PSMA8: variants seen among roughly 807,000 people sequenced by gnomAD.
PSMA8 encodes proteasome 20S subunit alpha 8.
PSMA8 carries 18 observed loss-of-function variants against 32.4 expected under a neutral mutation model. The ratio of observed to expected loss-of-function variants is 0.56; its 90% CI spans 0.38 to 0.82. The LOEUF is 0.82. PSMA8 is among the 40% of genes least tolerant of loss of function. The pLI is 0.00. For missense variants in PSMA8, 298 were observed against 300.7 expected, an observed-to-expected ratio of 0.99 and a Z score of 0.07; for synonymous variants, 104 against 98.1, an observed-to-expected ratio of 1.06 and a Z score of -0.36.
At chr18:26,163,896 C>A (rs2055158193) in intron 4 of PSMA8, among the ~76,000 whole-genome samples, 1 of 152,068 alleles carries the variant, frequency 6.6e-6, no homozygotes, top group Non-Finnish European at 1.5e-5. Context: ...CCAGGCAAGA[C>A]CTGATTTAGA....
chr18:26,187,636 T>C (rs1251857721), intron 6 of PSMA8, among the ~76,000 whole-genome samples: 1 of 152,050 alleles, frequency 6.6e-6, no homozygotes, highest in Non-Finnish European at 1.5e-5. Flanking sequence ...GTCACTATAC[T>C]TATATCAGAC....
In PSMA8 at chr18:26,139,391, C is replaced by G. The variant is rs181163978; in HGVS notation, c.103-5168C>G. On this transcript the variant is annotated intron_variant, in intron 1 of 6. Transcript: ENST00000415576. ...GGAAATGGATCCTTCCCCAGTTGAGCCTAGAGATGCATGCAGCACTGGTAG... is the reference window on the plus strand; with the variant it reads ...GGAAATGGATCCTTCCCCAGTTGAGGCTAGAGATGCATGCAGCACTGGTAG... Among the ~76,000 whole-genome samples, 4 of 152,248 alleles carry G rather than the reference C, an allele frequency of 2.6e-5. No homozygotes were observed. The East Asian group carries it at 5.8e-4, about 22-fold the overall frequency.
In PSMA8 at chr18:26,192,944, C is replaced by T. The variant is rs1212753397; in HGVS notation, c.*533C>T. ...TTACCTTTTTCATTTTACAATATTT[C>T]GTTATTTTTATTTTACCTTTTTCAT... On this transcript the variant is annotated 3_prime_UTR_variant, in exon 7 of 7. Transcript: ENST00000415576. The T allele has an allele frequency of 3.9e-5, 6 of 151,920 alleles. No individual in the cohort carries two copies. The highest frequency in any genetic ancestry group is 4.1e-4 in the South Asian group (2 of 4,822). 9.4% of individuals were successfully genotyped at this position (151,920 alleles called of 1,614,324 possible). A position where few individuals can be genotyped will look rare whatever the true frequency, so the allele number is the denominator to read the frequency against.
chr18:26,134,096 C>T (rs2054888812), intron 1 of PSMA8, 29 bp downstream of exon 1: 1 of 1,541,566 alleles, frequency 6.5e-7, no homozygotes, highest in Non-Finnish European at 9.0e-7. Flanking sequence ...CCGGACTATT[C>T]CCCGCTCTGA....
intron 4 of PSMA8, among the ~76,000 whole-genome samples, chr18:26,160,300 G>T (rs1489780498): frequency 6.6e-6 from 1 of 152,122 alleles, no homozygotes; most frequent in Non-Finnish European, 1.5e-5. Context: ...GTGAGACCCT[G>T]TCTCAAAACA....
At chr18:26,164,389 G>GC (rs1301636358) in intron 4 of PSMA8, among the ~76,000 whole-genome samples, 1 of 152,210 alleles carries the variant, frequency 6.6e-6, no homozygotes, top group Non-Finnish European at 1.5e-5. Context: ...TTCACGTGGT[G>GC]CCACATATTA....
chr18:26,137,851 T>C (rs1448983480), intron 1 of PSMA8, among the ~76,000 whole-genome samples: 1 of 152,174 alleles, frequency 6.6e-6, no homozygotes, highest in Non-Finnish European at 1.5e-5. Flanking sequence ...ACCCCAGGTG[T>C]TGGGGAGGTC....
At chr18:26,148,480 G>A (rs910806822) in intron 2 of PSMA8, among the ~76,000 whole-genome samples, 13 of 151,772 alleles carry the variant, frequency 8.6e-5, no homozygotes, top group Non-Finnish European at 1.0e-4. Context: ...CTTGGTAATG[G>A]CACCCAACAA....
At chr18:26,145,667 C>A (rs183334612) in intron 2 of PSMA8, among the ~76,000 whole-genome samples, 1 of 152,270 alleles carries the variant, frequency 6.6e-6, no homozygotes, top group East Asian at 1.9e-4. Flanking sequence ...AATTCCCTTG[C>A]AGTTCATGCA....
intron 2 of PSMA8, among the ~76,000 whole-genome samples, chr18:26,151,087 A>C (rs1203403397): frequency 6.6e-6 from 1 of 152,216 alleles, no homozygotes; most frequent in Admixed American, 6.5e-5. Flanking sequence ...ATTCATATTA[A>C]CTATCTTCAG....
chr18:26,160,024 T>C (rs1374585151), intron 4 of PSMA8, among the ~76,000 whole-genome samples: 1 of 152,226 alleles, frequency 6.6e-6, no homozygotes, highest in African/African-American at 2.4e-5. Context: ...CTTCCCAACC[T>C]GGTGTGGTAG....
intron 1 of PSMA8, among the ~76,000 whole-genome samples, chr18:26,140,362 G>A (rs187266526): frequency 6.6e-6 from 1 of 152,198 alleles, no homozygotes; most frequent in East Asian, 1.9e-4. Flanking sequence ...AGATACCCAC[G>A]TTACTCTCCT....
intron 4 of PSMA8, among the ~76,000 whole-genome samples, chr18:26,159,896 C>T (rs1458299176): frequency 2.7e-5 from 4 of 150,332 alleles, no homozygotes; most frequent in South Asian, 2.1e-4. Context: ...GGAAATATTA[C>T]GCAGCTTTTA....
At chr18:26,148,294 G>A (rs1307116320) in intron 2 of PSMA8, among the ~76,000 whole-genome samples, 1 of 151,872 alleles carries the variant, frequency 6.6e-6, no homozygotes, top group Admixed American at 6.6e-5. Flanking sequence ...ACCAAATTCA[G>A]AACTTTAAAA....
chr18:26,147,489 T>G (rs2055013736), intron 2 of PSMA8, among the ~76,000 whole-genome samples: 1 of 151,966 alleles, frequency 6.6e-6, no homozygotes, highest in African/African-American at 2.4e-5. Context: ...CCATAAACAT[T>G]TACATTAAAA....
intron 3 of PSMA8, among the ~76,000 whole-genome samples, chr18:26,153,904 TA>T (rs1342698499): frequency 6.6e-6 from 1 of 152,144 alleles, no homozygotes; most frequent in African/African-American, 2.4e-5. Context: ...TTTTTATTTT[TA>T]TTTTTTTATT....
chr18:26,150,377 C>T (rs2055035839), intron 2 of PSMA8, among the ~76,000 whole-genome samples: 1 of 151,508 alleles, frequency 6.6e-6, no homozygotes, highest in Admixed American at 6.6e-5. Context: ...CACTTTGTCA[C>T]CCCCAGTGGG....
chr18:26,183,609 G>T (rs1007448292), intron 6 of PSMA8, among the ~76,000 whole-genome samples: 1 of 150,746 alleles, frequency 6.6e-6, no homozygotes, highest in Non-Finnish European at 1.5e-5. Context: ...ATGATGAGTT[G>T]CTTCTTAAAG....
rs552791159 is a variant in PSMA8 at position 26,171,481 on chromosome 18, C to A, written c.478-7349C>A. On this transcript the variant is annotated intron_variant, in intron 4 of 6. Transcript: ENST00000415576. ...GGGTGCAGTGGCTCACGCCTGTAAT[C>A]CCAGCACTTTGGGAGGCCGAAGCGG... Among the ~76,000 whole-genome samples the A allele has an allele frequency of 1.2e-3, 180 of 152,294 alleles. 1 individual carries two copies. Among genetic ancestry groups the A allele is most frequent in the African/African-American group, 4.0e-3 (168 of 41,562 alleles).
Sources: gnomAD v4.1 joint callset for allele counts (sites outside exome capture counted in the v4.1 genomes callset) on GRCh38, gnomAD v4.1.1 for gene constraint, MANE v1.5 for transcripts, NCBI Gene and HGNC (gene_info 2026-07-23, HGNC 2026-07-21) for gene names.